SPATA1: variants seen among roughly 807,000 people sequenced by gnomAD.
SPATA1 encodes spermatogenesis associated 1, also known as spermatogenesis-associated protein 1.
In SPATA1, 57 loss-of-function variants were observed where a neutral mutation model predicts 59.6. That is an observed-to-expected ratio of 0.96 (90% confidence interval 0.77 to 1.19). The LOEUF (loss-of-function observed/expected upper bound fraction) is 1.19. Ranked by LOEUF, SPATA1 falls within the 50% of genes most tolerant of loss-of-function variation. The pLI is 0.00. For synonymous variants in SPATA1, 147 were observed against 163.9 expected (o/e 0.90, Z 0.79); for missense variants, 448 against 480.7 (o/e 0.93, Z 0.64).
intron 2 of SPATA1, 31 bp downstream of exon 2, chr1:84,516,426 G>C (rs548432275): frequency 1.6e-6 from 2 of 1,276,162 alleles, no homozygotes; most frequent in South Asian, 1.5e-5. Context: ...TAAAATATAA[G>C]AAAGACCTGC....
At chr1:84,551,457 T>C (rs577481759) in intron 12 of SPATA1, 1 of 258,352 alleles carries the variant, frequency 3.9e-6, no homozygotes, top group East Asian at 1.8e-4. Flanking sequence ...ATGCCTGCAC[T>C]GTCAGATTGG....
At chr1:84,546,981 G>GT (rs67837706) in intron 10 of SPATA1, among the ~76,000 whole-genome samples, 60,938 of 151,960 alleles carry the variant, frequency 0.4, 14,764 homozygotes, top group African/African-American at 0.68. Context: ...TTTGGGTTGT[G>GT]TTGAGGATTA....
At chr1:84,543,275 T>G (rs2101996439) in intron 8 of SPATA1, among the ~76,000 whole-genome samples, 1 of 152,266 alleles carries the variant, frequency 6.6e-6, no homozygotes, top group East Asian at 1.9e-4. Context: ...AAAGTGATAG[T>G]GGGAGAAACA....
intron 4 of SPATA1, chr1:84,564,022 C>G (rs1321186730): frequency 1.2e-5 from 3 of 241,402 alleles, no homozygotes; most frequent in South Asian, 1.5e-4. Flanking sequence ...TAAACCATTT[C>G]TCTTTGAATA....
At chr1:84,556,415 A>C (rs2102016064), downstream of SPATA1, among the ~76,000 whole-genome samples, 1 of 152,262 alleles carries the variant, frequency 6.6e-6, no homozygotes, top group South Asian at 2.1e-4. Flanking sequence ...ATAGTCTCTT[A>C]AGATGACCAC....
chr1:84,565,727 C>G (rs1290311532), intron 4 of SPATA1, 134 bp from the exon 14 acceptor site: 1 of 510,406 alleles, frequency 2.0e-6, no homozygotes, highest in African/African-American at 2.0e-5. Flanking sequence ...TTGAAGCAAG[C>G]CTTACAATTG....
At chr1:84,538,206 CCT>C (rs1683776438) in intron 8 of SPATA1, among the ~76,000 whole-genome samples, 1 of 152,220 alleles carries the variant, frequency 6.6e-6, no homozygotes, top group South Asian at 2.1e-4. Context: ...CTCCTTACAT[CCT>C]CTCTTTATTA....
At chr1:84,511,679 CTTTTTTT>C (rs1310907189) in intron 1 of SPATA1, among the ~76,000 whole-genome samples, 160 of 67,600 alleles carry the variant, frequency 2.4e-3, no homozygotes, top group Non-Finnish European at 4.0e-3. Flanking sequence ...TTCTTTCTTT[CTTTTTTT>C]TTTTTTTTTT....
chr1:84,513,598 A>C (rs1371655816), intron 1 of SPATA1, among the ~76,000 whole-genome samples: 1 of 152,252 alleles, frequency 6.6e-6, no homozygotes, highest in Non-Finnish European at 1.5e-5. Context: ...CTAATAGGTC[A>C]AACTGGAAGT....
intron 8 of SPATA1, among the ~76,000 whole-genome samples, chr1:84,534,848 C>G (rs185620336): frequency 5.3e-4 from 81 of 152,212 alleles, no homozygotes; most frequent in Non-Finnish European, 9.7e-4. Context: ...GTTAATAAAT[C>G]ACAAACTTCA....
chr1:84,513,722 T>C (rs1228487118), intron 1 of SPATA1, among the ~76,000 whole-genome samples: 1 of 152,238 alleles, frequency 6.6e-6, no homozygotes, highest in Non-Finnish European at 1.5e-5. Flanking sequence ...CCAGTTAACC[T>C]AGTCATTTTC....
intron 8 of SPATA1, among the ~76,000 whole-genome samples, chr1:84,534,823 A>C (rs1304187393): frequency 1.3e-5 from 2 of 152,140 alleles, no homozygotes; most frequent in Non-Finnish European, 2.9e-5. Context: ...CCCATTGGAC[A>C]AAATTCCAAC....
intron 8 of SPATA1, among the ~76,000 whole-genome samples, chr1:84,542,285 A>G (rs1683939237): frequency 6.6e-6 from 1 of 151,984 alleles, no homozygotes; most frequent in Non-Finnish European, 1.5e-5. Context: ...GGAAATGGGT[A>G]TGTTTTCTTT....
intron 4 of SPATA1, among the ~76,000 whole-genome samples, chr1:84,564,504 A>G (rs1684652647): frequency 6.6e-6 from 1 of 152,146 alleles, no homozygotes; most frequent in East Asian, 1.9e-4. Context: ...GGGGTGGGGT[A>G]TGTATCAGTT....
intron 1 of SPATA1, among the ~76,000 whole-genome samples, chr1:84,508,527 A>G (rs66494245): frequency 0.077 from 11,771 of 152,276 alleles, 683 homozygotes; most frequent in Non-Finnish European, 0.12. Flanking sequence ...AATAAATGCC[A>G]AGAAAAGACC....
At chr1:84,557,149 G>A (rs551175808), downstream of SPATA1, among the ~76,000 whole-genome samples, 1 of 152,312 alleles carries the variant, frequency 6.6e-6, no homozygotes. Context: ...AGTCCAAGAT[G>A]AGCTGCTATT....
At chr1:84,550,023 C>A (rs1684222698) in intron 11 of SPATA1, 1 of 151,796 alleles carries the variant, frequency 6.6e-6, no homozygotes, top group Non-Finnish European at 1.5e-5. Flanking sequence ...ACCAAAAAGT[C>A]TTCTTATTTT....
At chr1:84,551,864 C>T (rs1429265572) in intron 12 of SPATA1, 2 of 151,934 alleles carry the variant, frequency 1.3e-5, no homozygotes, top group South Asian at 2.1e-4. Context: ...ATAAAAATGC[C>T]CCCAGAGGCT....
intron 6 of SPATA1, among the ~76,000 whole-genome samples, chr1:84,528,764 AAAC>A (rs1427556242): frequency 6.6e-6 from 1 of 152,198 alleles, no homozygotes; most frequent in African/African-American, 2.4e-5. Flanking sequence ...CAACTTCACT[AAAC>A]AACATCCATG....
Sources: gnomAD v4.1 joint callset for allele counts (sites outside exome capture counted in the v4.1 genomes callset) on GRCh38, gnomAD v4.1.1 for gene constraint, MANE v1.5 for transcripts, NCBI Gene and HGNC (gene_info 2026-07-23, HGNC 2026-07-21) for gene names.